PRR16: variants seen among roughly 807,000 people sequenced by gnomAD.
PRR16 encodes proline rich 16.
Under a neutral mutation model 18.2 loss-of-function variants are expected in PRR16, and 6 were observed. The observed-to-expected ratio is 0.33, with a 90% CI of 0.18 to 0.65. The LOEUF is 0.65. Ranked by LOEUF, PRR16 falls within the 30% of genes least tolerant of loss-of-function variation. PRR16 has a pLI of 0.74. For synonymous variants in PRR16, 151 were observed against 147.8 expected, an observed-to-expected ratio of 1.02 and a Z score of -0.16; for missense variants, 412 against 376.6, an observed-to-expected ratio of 1.09 and a Z score of -0.78.
chr5:120,775,461 C>T, the PRR16 span, among the ~76,000 whole-genome samples: 1 of 152,070 alleles, frequency 6.6e-6, no homozygotes, highest in African/African-American at 2.4e-5. Context: ...CGTCTCTACC[C>T]CTGCTGCCAT....
chr5:120,759,441 G>C, the PRR16 span, among the ~76,000 whole-genome samples: 1 of 151,978 alleles, frequency 6.6e-6, no homozygotes, highest in African/African-American at 2.4e-5. Flanking sequence ...TATACTATAT[G>C]ATTCTAATTA....
chr5:120,586,726 T>C (rs1753456644), intron 1 of PRR16, among the ~76,000 whole-genome samples: 1 of 152,144 alleles, frequency 6.6e-6, no homozygotes, highest in Non-Finnish European at 1.5e-5. Flanking sequence ...TTTCTTCCTC[T>C]CCTTGGTCCT....
chr5:120,477,936 C>T (rs1749496233), intron 1 of PRR16, among the ~76,000 whole-genome samples: 1 of 152,214 alleles, frequency 6.6e-6, no homozygotes, highest in Non-Finnish European at 1.5e-5. Flanking sequence ...GGCAACTCCA[C>T]ATGTTGCTGA....
intron 1 of PRR16, among the ~76,000 whole-genome samples, chr5:120,643,398 G>T (rs1386154506): frequency 6.6e-6 from 1 of 152,018 alleles, no homozygotes; most frequent in Non-Finnish European, 1.5e-5. Context: ...ACATATAACT[G>T]TGAAGTTTAG....
chr5:120,773,848 ATT>A, the PRR16 span, among the ~76,000 whole-genome samples: 7 of 152,292 alleles, frequency 4.6e-5, no homozygotes, highest in Non-Finnish European at 1.0e-4. Flanking sequence ...GACTAAATGC[ATT>A]GTTTTGTGGA....
chr5:120,477,490 C>G (rs971641197), intron 1 of PRR16, among the ~76,000 whole-genome samples: 2 of 152,150 alleles, frequency 1.3e-5, no homozygotes, highest in Admixed American at 6.6e-5. Context: ...TTTCCAAAGT[C>G]TGACCAATTT....
chr5:120,754,289 T>G, the PRR16 span, among the ~76,000 whole-genome samples: 1 of 35,010 alleles, frequency 2.9e-5, no homozygotes. Flanking sequence ...TATAAATATA[T>G]AATATATAAT....
At chr5:120,781,952 G>A in the PRR16 span, among the ~76,000 whole-genome samples, 1 of 151,914 alleles carries the variant, frequency 6.6e-6, no homozygotes, top group Non-Finnish European at 1.5e-5. Flanking sequence ...AGGTAAAATT[G>A]TAAAAACTTT....
chr5:120,616,737 A>T (rs2112813859), intron 1 of PRR16, among the ~76,000 whole-genome samples: 1 of 152,290 alleles, frequency 6.6e-6, no homozygotes, highest in East Asian at 1.9e-4. Context: ...ACAATATTGA[A>T]TGATGAGTCA....
chr5:120,566,500 A>G (rs1752742882), intron 1 of PRR16, among the ~76,000 whole-genome samples: 1 of 152,192 alleles, frequency 6.6e-6, no homozygotes. Flanking sequence ...TGTGTTTACC[A>G]AAAGTCTAGA....
At chr5:120,465,559 C>A (rs955314402) in intron 1 of PRR16, 1 of 152,310 alleles carries the variant, frequency 6.6e-6, no homozygotes, top group African/African-American at 2.4e-5. Context: ...GCTGAGGCTG[C>A]GTAACTCAGG....
the PRR16 span, among the ~76,000 whole-genome samples, chr5:120,731,631 G>T: frequency 6.6e-6 from 1 of 152,146 alleles, no homozygotes; most frequent in Admixed American, 6.5e-5. Flanking sequence ...GACAGAAAAT[G>T]CAAGGGGCAT....
At chr5:120,548,505 G>A (rs1415892758) in intron 1 of PRR16, among the ~76,000 whole-genome samples, 1 of 151,948 alleles carries the variant, frequency 6.6e-6, no homozygotes, top group African/African-American at 2.4e-5. Context: ...GTTGAATCAG[G>A]GTTGTTATAA....
At chr5:120,528,608 C>T (rs1751448236) in intron 1 of PRR16, among the ~76,000 whole-genome samples, 1 of 152,052 alleles carries the variant, frequency 6.6e-6, no homozygotes, top group African/African-American at 2.4e-5. Flanking sequence ...GCTTAGGGAT[C>T]CAGTGCAGAA....
the PRR16 span, among the ~76,000 whole-genome samples, chr5:120,792,999 A>G: frequency 6.7e-6 from 1 of 149,032 alleles, no homozygotes; most frequent in Non-Finnish European, 1.5e-5. Flanking sequence ...CAAAAAATAA[A>G]AAATTAGGTG....
At chr5:120,474,162 A>T (rs1749360456) in intron 1 of PRR16, among the ~76,000 whole-genome samples, 1 of 152,198 alleles carries the variant, frequency 6.6e-6, no homozygotes, top group African/African-American at 2.4e-5. Context: ...ATTCTTCCTT[A>T]GAGTAAAATG....
At chr5:120,708,199 C>A in the PRR16 span, among the ~76,000 whole-genome samples, 1 of 152,142 alleles carries the variant, frequency 6.6e-6, no homozygotes. Flanking sequence ...TGTACATTTG[C>A]CTTGGGAATT....
the PRR16 span, among the ~76,000 whole-genome samples, chr5:120,771,317 A>G: frequency 6.6e-6 from 1 of 152,132 alleles, no homozygotes; most frequent in Admixed American, 6.6e-5. Context: ...ACTCAAAATG[A>G]TGCAACATGC....
chr5:120,685,699 T>C (rs2150156708), intron 1 of PRR16, among the ~76,000 whole-genome samples: 1 of 152,232 alleles, frequency 6.6e-6, no homozygotes, highest in African/African-American at 2.4e-5. Flanking sequence ...TATATCAGAG[T>C]CAGAAATAGA....
Sources: gnomAD v4.1 joint callset for allele counts (sites outside exome capture counted in the v4.1 genomes callset) on GRCh38, gnomAD v4.1.1 for gene constraint, MANE v1.5 for transcripts, NCBI Gene and HGNC (gene_info 2026-07-23, HGNC 2026-07-21) for gene names.